MB21D2: variants seen among roughly 807,000 people sequenced by gnomAD.
MB21D2 encodes Mab-21 domain containing 2.
A neutral mutation model predicts 33.3 loss-of-function variants in MB21D2; 9 were observed. That is an observed-to-expected ratio of 0.27 (90% confidence interval 0.16 to 0.47). The LOEUF (loss-of-function observed/expected upper bound fraction) is 0.47, where lower values mean the gene tolerates loss of function less well. Among genes scored for constraint, MB21D2 ranks in the 20% least tolerant of loss-of-function variants. The probability of loss-of-function intolerance (pLI) is 0.99; values close to 1 mark genes in which losing one functional copy is unlikely to be tolerated. For missense variants in MB21D2, 540 were observed against 624.6 expected (o/e 0.86, Z 1.44); for synonymous variants, 241 against 236.3 (o/e 1.02, Z -0.18).
At chr3:192,876,371 C>A (rs1475959086) in intron 1 of MB21D2, among the ~76,000 whole-genome samples, 5 of 152,218 alleles carry the variant, frequency 3.3e-5, no homozygotes, top group African/African-American at 1.2e-4. Context: ...ACTTTGCCTT[C>A]TAATTATCTC....
Position 192,830,153 on chromosome 3 carries a change from C to T in MB21D2, c.212-30503G>A, listed in dbSNP as rs189204475. Among the ~76,000 whole-genome samples, 271 of 152,132 alleles carry T rather than the reference C, an allele frequency of 1.8e-3. 1 individual carries two copies. Among genetic ancestry groups the T allele is most frequent in the African/African-American group, 5.9e-3 (246 of 41,494 alleles). ...AGTTGTAAGCCACCACACCAGGCTACGTTCTTCATTTTATTCAAAAAATAT... is the reference window on the plus strand; with the variant it reads ...AGTTGTAAGCCACCACACCAGGCTATGTTCTTCATTTTATTCAAAAAATAT... On this transcript the variant is annotated intron_variant, in intron 1 of 1. Coordinates refer to ENST00000392452, the MANE Select transcript of MB21D2 (RefSeq NM_178496.4).
chr3:192,845,941 G>A (rs1033784213), intron 1 of MB21D2, among the ~76,000 whole-genome samples: 3 of 151,738 alleles, frequency 2.0e-5, no homozygotes, highest in Non-Finnish European at 4.4e-5. Flanking sequence ...ACTTAACTGG[G>A]CATTAGTGGC....
chr3:192,851,252 A>T (rs550753588), intron 1 of MB21D2, among the ~76,000 whole-genome samples: 1 of 152,288 alleles, frequency 6.6e-6, no homozygotes, highest in South Asian at 2.1e-4. Flanking sequence ...AGCCAGACAC[A>T]AAAGGCCACC....
intron 1 of MB21D2, among the ~76,000 whole-genome samples, chr3:192,834,623 C>T (rs1712394105): frequency 6.6e-6 from 1 of 151,942 alleles, no homozygotes; most frequent in South Asian, 2.1e-4. Context: ...ACATCTCAGC[C>T]AAGGAACAAA....
intron 1 of MB21D2, among the ~76,000 whole-genome samples, chr3:192,899,872 A>G (rs1714056439): frequency 6.6e-6 from 1 of 152,206 alleles, no homozygotes; most frequent in East Asian, 1.9e-4. Flanking sequence ...GCACAGATAA[A>G]TTCACTTTAA....
intron 1 of MB21D2, among the ~76,000 whole-genome samples, chr3:192,871,651 T>A (rs186018476): frequency 6.6e-6 from 1 of 152,156 alleles, no homozygotes; most frequent in Non-Finnish European, 1.5e-5. Flanking sequence ...GTGGTCAGGA[T>A]AAAGGGCCTC....
At chr3:192,824,394 G>C (rs1370513360) in intron 1 of MB21D2, among the ~76,000 whole-genome samples, 2 of 152,070 alleles carry the variant, frequency 1.3e-5, no homozygotes, top group African/African-American at 4.8e-5. Context: ...ATGAGAGGAA[G>C]CTTCTAGAAG....
At chr3:192,821,072 A>T (rs1255633048) in intron 1 of MB21D2, among the ~76,000 whole-genome samples, 1 of 152,136 alleles carries the variant, frequency 6.6e-6, no homozygotes, top group Admixed American at 6.6e-5. Context: ...GTACCCTTCA[A>T]ATAACAATGA....
chr3:192,855,580 A>G (rs1179001799), intron 1 of MB21D2, among the ~76,000 whole-genome samples: 2 of 152,216 alleles, frequency 1.3e-5, no homozygotes, highest in African/African-American at 2.4e-5. Context: ...ATGCAGTATC[A>G]TCTCCATTTT....
chr3:192,869,235 G>A (rs1348213419), intron 1 of MB21D2, among the ~76,000 whole-genome samples: 3 of 143,074 alleles, frequency 2.1e-5, no homozygotes, highest in African/African-American at 5.2e-5. Context: ...CAGCCTCGGC[G>A]ACAGAGTGAG....
chr3:192,835,713 T>C (rs1712422590), intron 1 of MB21D2, among the ~76,000 whole-genome samples: 3 of 152,284 alleles, frequency 2.0e-5, no homozygotes, highest in Non-Finnish European at 2.9e-5. Context: ...ACTTCTACTA[T>C]TGTCTCTGTT....
intron 1 of MB21D2, among the ~76,000 whole-genome samples, chr3:192,877,666 C>T: frequency 6.6e-6 from 1 of 152,182 alleles, no homozygotes; most frequent in East Asian, 1.9e-4. Flanking sequence ...TACTGTACAA[C>T]ATGTATCTGT....
At chr3:192,868,735 A>G (rs1713221974) in intron 1 of MB21D2, among the ~76,000 whole-genome samples, 1 of 152,192 alleles carries the variant, frequency 6.6e-6, no homozygotes, top group Non-Finnish European at 1.5e-5. Flanking sequence ...TGCCCAAGGA[A>G]GGATGGTCTC....
intron 1 of MB21D2, among the ~76,000 whole-genome samples, chr3:192,835,180 T>C (rs7646104): frequency 1 from 141,481 of 142,040 alleles, 70,463 homozygotes; most frequent in East Asian, 1. Context: ...AAAAGCTGGG[T>C]GCGGTGGCTT....
chr3:192,810,106 C>G (rs141867744), intron 1 of MB21D2, among the ~76,000 whole-genome samples: 1 of 152,306 alleles, frequency 6.6e-6, no homozygotes, highest in East Asian at 1.9e-4. Context: ...TTTTATTGAA[C>G]TCTAATGGAA....
intron 1 of MB21D2, among the ~76,000 whole-genome samples, chr3:192,805,329 A>C (rs568970394): frequency 6.6e-6 from 1 of 152,354 alleles, no homozygotes; most frequent in African/African-American, 2.4e-5. Context: ...AGACCCTGGA[A>C]ATACAGAAGA....
At chr3:192,912,204 A>T (rs1365557833) in intron 1 of MB21D2, among the ~76,000 whole-genome samples, 1 of 152,242 alleles carries the variant, frequency 6.6e-6, no homozygotes, top group Non-Finnish European at 1.5e-5. Flanking sequence ...CAAAGGAAAC[A>T]GGGGAGGGGT....
chr3:192,882,547 A>T (rs1713622858), intron 1 of MB21D2, among the ~76,000 whole-genome samples: 1 of 152,144 alleles, frequency 6.6e-6, no homozygotes, highest in Non-Finnish European at 1.5e-5. Flanking sequence ...CCCAAGGGTC[A>T]TCTGATTCTC....
At position 192,868,408 on chromosome 3, in the gene MB21D2, G is replaced by A. The variant is rs140283745; in HGVS notation, c.211+49222C>T. On this transcript the variant is annotated intron_variant, in intron 1 of 1. Coordinates refer to ENST00000392452, the MANE Select transcript of MB21D2 (RefSeq NM_178496.4). ...AGAGCCAAGTAACGGAAAGAAACAA[G>A]GACTAGTGACATCATTTGACTCCTT... 6.6e-5 allele frequency among the ~76,000 whole-genome samples: 10 copies of A among 152,252 alleles called. No homozygotes were observed. In the East Asian group the frequency reaches 1.7e-3, roughly 26 times the overall value.
Sources: gnomAD v4.1 joint callset for allele counts (sites outside exome capture counted in the v4.1 genomes callset) on GRCh38, gnomAD v4.1.1 for gene constraint, MANE v1.5 for transcripts, NCBI Gene and HGNC (gene_info 2026-07-23, HGNC 2026-07-21) for gene names.